Variants in TYRO3 observed in about 807,000 individuals in gnomAD.
The protein encoded by TYRO3 is tyrosine-protein kinase receptor TYRO3.
In TYRO3, 38 loss-of-function variants were observed where a neutral mutation model predicts 95.2. That is an observed-to-expected ratio of 0.40 (90% confidence interval 0.31 to 0.52). The LOEUF (loss-of-function observed/expected upper bound fraction) is 0.52. Among genes scored for constraint, TYRO3 ranks in the 20% least tolerant of loss-of-function variants. The pLI is 0.56. For synonymous variants in TYRO3, 367 were observed against 432.9 expected (o/e 0.85, Z 1.89); for missense variants, 812 against 1,116.4 (o/e 0.73, Z 3.89).
chr15:41,560,443 G>T (rs1042554764), intron 1 of TYRO3, among the ~76,000 whole-genome samples: 13 of 151,060 alleles, frequency 8.6e-5, no homozygotes, highest in Non-Finnish European at 1.8e-4. Flanking sequence ...GCGCGCGCGC[G>T]CGCTCGCACG....
chr15:41,562,503 G>A, intron 3 of TYRO3, 45 bp from the exon 4 acceptor site: 1 of 1,603,774 alleles, frequency 6.2e-7, no homozygotes, highest in Non-Finnish European at 8.5e-7. Flanking sequence ...ACAGTAGGAA[G>A]CCAAGAGGTG....
chr15:41,560,801 G>T (rs946752759), intron 1 of TYRO3, among the ~76,000 whole-genome samples: 18 of 150,862 alleles, frequency 1.2e-4, no homozygotes, highest in African/African-American at 4.2e-4. Context: ...GGGTGCAGCA[G>T]TCATTCCTAG....
chr15:41,570,859 G>C, intron 12 of TYRO3, 160 bp downstream of exon 12: 4 of 918,746 alleles, frequency 4.4e-6, no homozygotes, highest in Non-Finnish European at 5.2e-6. Flanking sequence ...ATGGTGGCTG[G>C]AGACAGGGAG....
chr15:41,579,019 G>A lies in TYRO3; in HGVS notation c.*743G>A, dbSNP rs530735301. The stretch of plus-strand genomic sequence containing the variant: ...GCAAGTGAGGCCGGAGAGGAGTTCA[G>A]GAACCCTTCTCCATACCCACAATCT... On this transcript the variant is annotated 3_prime_UTR_variant, in exon 19 of 19. Coordinates refer to ENST00000263798, the MANE Select transcript of TYRO3 (RefSeq NM_006293.4). The A allele has an allele frequency of 6.5e-6, 1 of 152,942 alleles. No individual in the cohort carries two copies. The highest frequency in any genetic ancestry group is 2.1e-4 in the South Asian group (1 of 4,826). The allele number at this position is 152,942 out of a possible 1,614,324, so 9.5% of individuals were successfully genotyped here. A position where few individuals can be genotyped will look rare whatever the true frequency, so the allele number is the denominator to read the frequency against.
chr15:41,571,079 G>A lies in TYRO3; in HGVS notation c.1621G>A (p.Asp541Asn), dbSNP rs2055789634. The A allele has an allele frequency of 6.2e-7, 1 of 1,614,116 alleles. No individual in the cohort carries two copies. Among genetic ancestry groups the A allele is most frequent in the Non-Finnish European group, 8.5e-7 (1 of 1,180,008 alleles). Residue 541 changes from aspartate to asparagine, a missense_variant, in exon 13 of 19, where the codon GAT becomes AAT. Coordinates refer to ENST00000263798, the MANE Select transcript of TYRO3 (RefSeq NM_006293.4). Reference protein sequence around the residue: ...SVREAQLKQEDGSFVKVAVKM... With the variant: ...SVREAQLKQENGSFVKVAVKM... Reference sequence around the variant, plus strand: ...GCGGGAGGCCCAGCTGAAGCAAGAGGATGGCTCCTTTGTGAAAGTGGCTGT... The same window carrying A: ...GCGGGAGGCCCAGCTGAAGCAAGAGAATGGCTCCTTTGTGAAAGTGGCTGT...
chr15:41,577,642 C>A, intron 18 of TYRO3: 1 of 351,414 alleles, frequency 2.8e-6, no homozygotes, highest in Non-Finnish European at 5.3e-6. Flanking sequence ...GCGTGTCTAC[C>A]AAGCCTGGCT....
At chr15:41,565,250 T>C in intron 6 of TYRO3, 109 bp downstream of exon 6, 1 of 681,696 alleles carries the variant, frequency 1.5e-6, no homozygotes, top group Middle Eastern at 2.4e-4. Flanking sequence ...CTGCAGCTCT[T>C]TTCAGGCTCT....
At position 41,570,817 on chromosome 15, in the gene TYRO3, G is replaced by T. The variant is rs1466869435; in HGVS notation, c.1579+118G>T. The T allele has an allele frequency of 3.9e-6, 4 of 1,015,740 alleles. No homozygotes were observed. In the East Asian group the frequency reaches 7.3e-5, roughly 19 times the overall value. The allele number at this position is 1,015,740 out of a possible 1,614,324, so 62.9% of individuals were successfully genotyped here. A position where few individuals can be genotyped will look rare whatever the true frequency, so the allele number is the denominator to read the frequency against. Reference sequence around the variant, plus strand: ...CGGTTGCCGTAAACAAGATATGCTTGTAGACTCCTGAGTGTGGGATGTTTG... The same window carrying T: ...CGGTTGCCGTAAACAAGATATGCTTTTAGACTCCTGAGTGTGGGATGTTTG... On this transcript the variant is annotated intron_variant, in intron 12 of 18. Transcript: ENST00000263798.
At position 41,561,686 on chromosome 15, in the gene TYRO3, G is replaced by A; in HGVS notation, c.409+47G>A. 3 of 1,354,176 alleles carry A rather than the reference G, an allele frequency of 2.2e-6. No homozygotes were observed. In the South Asian group the frequency reaches 3.8e-5, roughly 17 times the overall value. 83.9% of individuals were successfully genotyped at this position (1,354,176 alleles called of 1,614,324 possible). ...GGCGTGTTGGCCTGGAGCACGTGCT[G>A]TCTGCTGGTGACTATACCTCTGCAG... On this transcript the variant is annotated intron_variant, in intron 3 of 18. Transcript: ENST00000263798.
chr15:41,570,882 G>A, intron 12 of TYRO3, 156 bp from the exon 13 acceptor site: 1 of 925,992 alleles, frequency 1.1e-6, no homozygotes, highest in Non-Finnish European at 1.7e-6. Context: ...CTGAGGAGCT[G>A]CTCCCAGCAT....
intron 5 of TYRO3, 108 bp downstream of exon 5, chr15:41,564,378 G>A (rs537220234): frequency 4.5e-4 from 495 of 1,096,460 alleles, no homozygotes; most frequent in Non-Finnish European, 6.2e-4. Context: ...TGGTCCTGCT[G>A]GGATCTAGGG....
In TYRO3 at chr15:41,578,200, A is replaced by G; in HGVS notation, c.2597A>G (p.Gln866Arg). The G allele has an allele frequency of 1.9e-6, 3 of 1,613,874 alleles. No homozygotes were observed. The highest frequency in any genetic ancestry group is 2.5e-6 in the Non-Finnish European group (3 of 1,180,024). ...GAGCAGCCAGGGCAGGCAGAGCACC[A>G]GCCAGAGAGTCCCCTCAATGAGACA... ...LAEQPGQAEH[Q>R]PESPLNETQR... The change falls in exon 19 of 19, where the codon CAG becomes CGG. Residue 866 changes from glutamine (Q) to arginine (R), a missense_variant. Gln to Arg is a conservative substitution (Grantham distance 43). Coordinates refer to ENST00000263798, the MANE Select transcript of TYRO3 (RefSeq NM_006293.4).
chr15:41,578,291 G>T lies in TYRO3; in HGVS notation c.*15G>T. 6.2e-7 allele frequency: 1 copy of T among 1,612,960 alleles called. No individual in the cohort carries two copies. The highest frequency in any genetic ancestry group is 1.1e-5 in the South Asian group (1 of 91,038). On this transcript the variant is annotated 3_prime_UTR_variant, in exon 19 of 19. Coordinates refer to ENST00000263798, the MANE Select transcript of TYRO3 (RefSeq NM_006293.4). ...GTAGCTGTTAGCCCACAGGCAGAGG[G>T]CATCGGGGCCATTTGGCCGGCTCTG...
intron 9 of TYRO3, 33 bp downstream of exon 9, chr15:41,569,055 C>T: frequency 3.1e-6 from 5 of 1,610,610 alleles, no homozygotes; most frequent in South Asian, 1.1e-5. Context: ...GGCAGAGGCT[C>T]AGGGGATCAA....
At chr15:41,572,637 T>C (rs751053638) in intron 15 of TYRO3, 73 bp downstream of exon 15, 8 of 1,424,092 alleles carry the variant, frequency 5.6e-6, no homozygotes, top group Non-Finnish European at 7.6e-6. Context: ...ATAGAGACCC[T>C]GGCAGAGAGG....
rs140922556 is a variant in TYRO3 at position 41,578,156 on chromosome 15, C to T, written c.2553C>T (p.Leu851=). 5 of 1,613,820 alleles carry T rather than the reference C, an allele frequency of 3.1e-6. No homozygotes were observed. The highest frequency in any genetic ancestry group is 2.7e-5 in the African/African-American group (2 of 74,922). The stretch of plus-strand genomic sequence containing the variant: ...CTCCCAGTGACTGTCGGTACATACT[C>T]ACCCCCGGAGGGCTGGCTGAGCAGC... ...GGTPSDCRYI[L]TPGGLAEQPG... The change falls in exon 19 of 19, where the codon CTC becomes CTT. Residue 851 remains leucine, a synonymous_variant. Transcript: ENST00000263798.
chr15:41,582,493 T>G lies in TYRO3; in HGVS notation c.*4217T>G, dbSNP rs1429503946. ...TGCAGTGAGCCACTACATTCCAGCTTGGGTGAGAGAGTGAGACTCCATCTC... is the reference window on the plus strand; with the variant it reads ...TGCAGTGAGCCACTACATTCCAGCTGGGGTGAGAGAGTGAGACTCCATCTC... On this transcript the variant is annotated 3_prime_UTR_variant, in exon 19 of 19. Transcript: ENST00000263798. 3 of 150,708 alleles carry G rather than the reference T, an allele frequency of 2.0e-5. No individual in the cohort carries two copies. Among genetic ancestry groups the G allele is most frequent in the Admixed American group, 2.0e-4 (3 of 15,128 alleles). The allele number at this position is 150,708 out of a possible 1,614,324, so 9.3% of individuals were successfully genotyped here.
In TYRO3 at chr15:41,577,951, G is replaced by T; in HGVS notation, c.2348G>T (p.Arg783Leu). The T allele has an allele frequency of 4.3e-6, 7 of 1,613,626 alleles. No homozygotes were observed. The highest frequency in any genetic ancestry group is 5.9e-6 in the Non-Finnish European group (7 of 1,180,036). The change falls in exon 19 of 19, where the codon CGA (arginine) becomes CTA (leucine). Residue 783 changes from arginine (R) to leucine (L), a missense_variant. Physicochemically the swap from Arg to Leu is moderately radical, Grantham distance 102 (BLOSUM62 -2). Coordinates refer to ENST00000263798, the MANE Select transcript of TYRO3 (RefSeq NM_006293.4). ...PKQRPSFTCL[R>L]MELENILGQL... The stretch of plus-strand genomic sequence containing the variant: ...CAGCGCCCGAGCTTTACTTGTCTGC[G>T]AATGGAACTGGAGAACATCTTGGGC...
chr15:41,574,306 T>C (rs2140834242), intron 18 of TYRO3, among the ~76,000 whole-genome samples: 1 of 152,314 alleles, frequency 6.6e-6, no homozygotes, highest in South Asian at 2.1e-4. Context: ...AGAAGGGAAC[T>C]GCCTCCTCTT....
Sources: gnomAD v4.1 joint callset for allele counts (sites outside exome capture counted in the v4.1 genomes callset) on GRCh38, gnomAD v4.1.1 for gene constraint, MANE v1.5 for transcripts, NCBI Gene and HGNC (gene_info 2026-07-23, HGNC 2026-07-21) for gene names.